KLF13: variants seen among roughly 807,000 people sequenced by gnomAD.
KLF13 encodes the protein KLF transcription factor 13, also known as Krueppel-like factor 13.
A neutral mutation model predicts 16.7 loss-of-function variants in KLF13; 8 were observed. The observed-to-expected ratio is 0.48, with a 90% CI of 0.28 to 0.87. KLF13 has a LOEUF of 0.87. KLF13 is among the 40% of genes least tolerant of loss of function. The pLI is 0.10. For missense variants in KLF13, 447 were observed against 452.2 expected, an observed-to-expected ratio of 0.99 and a Z score of 0.10; for synonymous variants, 245 against 208.4, an observed-to-expected ratio of 1.18 and a Z score of -1.51.
At chr15:31,424,197 A>C (rs185827977) in intron 1 of KLF13, among the ~76,000 whole-genome samples, 1 of 152,158 alleles carries the variant, frequency 6.6e-6, no homozygotes, top group South Asian at 2.1e-4. Flanking sequence ...CAAACTTTTT[A>C]AAAAATTGAA....
At position 31,371,576 on chromosome 15, in the gene KLF13, C is replaced by T. The variant is rs180829979; in HGVS notation, c.578-434C>T. Among the ~76,000 whole-genome samples the T allele has an allele frequency of 7.6e-4, 116 of 152,346 alleles. 1 individual carries two copies. Among genetic ancestry groups the T allele is most frequent in the Non-Finnish European group, 1.4e-3 (94 of 68,032 alleles). On this transcript the variant is annotated intron_variant, in intron 1 of 1. Coordinates refer to ENST00000307145, the MANE Select transcript of KLF13 (RefSeq NM_015995.4). Reference sequence around the variant, plus strand: ...CCCTGCAGGGGTGCAGAGTGTGGCTCCCATGGAGCAGCATGGGCGGCTGGA... The same window carrying T: ...CCCTGCAGGGGTGCAGAGTGTGGCTTCCATGGAGCAGCATGGGCGGCTGGA...
At chr15:31,383,629 G>C (rs191616843) in intron 1 of KLF13, among the ~76,000 whole-genome samples, 28 of 152,340 alleles carry the variant, frequency 1.8e-4, no homozygotes, top group East Asian at 1.5e-3. Context: ...GGCCGGGCGC[G>C]GTGGCTCACG....
At chr15:31,408,635 A>G (rs1008826769), downstream of KLF13, among the ~76,000 whole-genome samples, 79 of 152,220 alleles carry the variant, frequency 5.2e-4, no homozygotes, top group African/African-American at 1.8e-3. Flanking sequence ...CCAAGTATGA[A>G]AATTATTTAC....
chr15:31,407,430 C>G (rs75054812), downstream of KLF13, among the ~76,000 whole-genome samples: 6,073 of 152,212 alleles, frequency 0.04, 182 homozygotes, highest in Non-Finnish European at 0.051. Context: ...AGCTCAGCAG[C>G]AGGATGTGCT....
intron 1 of KLF13, among the ~76,000 whole-genome samples, chr15:31,355,892 CTG>C (rs754126092): frequency 1.3e-5 from 2 of 152,048 alleles, no homozygotes; most frequent in Non-Finnish European, 2.9e-5. Flanking sequence ...GATAACATCT[CTG>C]TGGGGGTTGG....
chr15:31,389,756 C>A (rs953073164), upstream of KLF13, among the ~76,000 whole-genome samples: 1 of 152,110 alleles, frequency 6.6e-6, no homozygotes, highest in African/African-American at 2.4e-5. Flanking sequence ...CGAACTGCAA[C>A]AGTGGGAGCC....
intron 2 of KLF13, among the ~76,000 whole-genome samples, chr15:31,395,571 A>G (rs924877728): frequency 6.6e-6 from 1 of 152,132 alleles, no homozygotes; most frequent in African/African-American, 2.4e-5. Flanking sequence ...GAACTGCCAG[A>G]CTGTTTCCAT....
chr15:31,345,190 G>A (rs1257252158), intron 1 of KLF13, among the ~76,000 whole-genome samples: 2 of 152,232 alleles, frequency 1.3e-5, no homozygotes, highest in Non-Finnish European at 2.9e-5. Context: ...GCATGCAGGC[G>A]TGCTGCATCG....
Position 31,433,583 on chromosome 15 carries a change from A to T in KLF13, n.118-1787A>T, listed in dbSNP as rs112870909. ...GTGAGCCAGGACTGTTGAAGAACTC[A>T]CCTGTTTCCCACCTCCCGTTCTACT... On this transcript the variant is annotated intron_variant and non_coding_transcript_variant, in intron 1 of 1. Transcript: ENST00000558225. Among the ~76,000 whole-genome samples, 927 of 151,976 alleles carry T rather than the reference A, an allele frequency of 6.1e-3. 16 individuals are homozygous for T. The highest frequency in any genetic ancestry group is 0.02 in the African/African-American group (848 of 41,410).
intron 1 of KLF13, chr15:31,420,614 A>C: frequency 2.4e-6 from 1 of 418,394 alleles, no homozygotes; most frequent in Non-Finnish European, 4.5e-6. Flanking sequence ...TACAGCTTTT[A>C]CCTTCAAGAA....
intron 1 of KLF13, among the ~76,000 whole-genome samples, chr15:31,413,491 A>G (rs964219550): frequency 6.6e-6 from 1 of 152,216 alleles, no homozygotes; most frequent in Non-Finnish European, 1.5e-5. Flanking sequence ...CATATCCCTT[A>G]AAAGAGAACC....
intron 1 of KLF13, among the ~76,000 whole-genome samples, chr15:31,356,373 G>C (rs1244911910): frequency 6.6e-6 from 1 of 152,158 alleles, no homozygotes; most frequent in Non-Finnish European, 1.5e-5. Context: ...GACCAACATG[G>C]TGAAACCCTG....
intron 1 of KLF13, among the ~76,000 whole-genome samples, chr15:31,344,881 T>G (rs964786421): frequency 1.3e-5 from 2 of 151,624 alleles, no homozygotes; most frequent in Non-Finnish European, 1.5e-5. Context: ...GCCGCCTGAG[T>G]GGGGAGGGAG....
At position 31,337,939 on chromosome 15, in the gene KLF13, C is replaced by T. The variant is rs960806395; in HGVS notation, c.577+10150C>T. 6.6e-5 allele frequency among the ~76,000 whole-genome samples: 10 copies of T among 152,142 alleles called. No individual in the cohort carries two copies. The East Asian group carries it at 7.7e-4, about 12-fold the overall frequency. On this transcript the variant is annotated intron_variant, in intron 1 of 1. Transcript: ENST00000307145. The stretch of plus-strand genomic sequence containing the variant: ...AGCACTTTATTCTGTGTCCCCTTTG[C>T]GGCTGACAGAGCAGGAGCCTGTCAG...
intron 1 of KLF13, among the ~76,000 whole-genome samples, chr15:31,364,204 G>A (rs1230547250): frequency 6.6e-6 from 1 of 152,148 alleles, no homozygotes; most frequent in African/African-American, 2.4e-5. Flanking sequence ...TTAGGATCAA[G>A]TTATCCTATT....
intron 1 of KLF13, among the ~76,000 whole-genome samples, chr15:31,363,461 A>G (rs559940687): frequency 9.2e-4 from 140 of 152,338 alleles, no homozygotes; most frequent in Middle Eastern, 3.4e-3. Flanking sequence ...ATGGAGAAGT[A>G]TAGTATACTG....
chr15:31,381,647 G>A (rs549560330), downstream of KLF13, among the ~76,000 whole-genome samples: 90 of 152,310 alleles, frequency 5.9e-4, no homozygotes, highest in Non-Finnish European at 1.0e-3. Flanking sequence ...CTCCTGCCTA[G>A]TGGAAGGAGC....
chr15:31,422,338 G>A (rs183056012), intron 1 of KLF13, among the ~76,000 whole-genome samples: 201 of 146,918 alleles, frequency 1.4e-3, no homozygotes, highest in Non-Finnish European at 2.4e-3. Context: ...GAGAGACCTC[G>A]GGAAACTTAC....
At chr15:31,410,350 C>T (rs555068251) in intron 1 of KLF13, among the ~76,000 whole-genome samples, 2 of 150,892 alleles carry the variant, frequency 1.3e-5, no homozygotes, top group East Asian at 3.9e-4. Context: ...ACAGAGGGAC[C>T]AAAAAGAAAA....
Sources: allele counts gnomAD v4.1 joint callset (sites outside exome capture counted in the v4.1 genomes callset), GRCh38; gene constraint gnomAD v4.1.1; transcripts MANE v1.5; gene names NCBI Gene and HGNC (gene_info 2026-07-23, HGNC 2026-07-21).